PACRG: variants seen among roughly 807,000 people sequenced by gnomAD.
The protein encoded by PACRG is parkin coregulated gene protein.
A neutral mutation model predicts 29.7 loss-of-function variants in PACRG; 29 were observed. The observed-to-expected ratio is 0.98, with a 90% CI of 0.73 to 1.33. The LOEUF is 1.33. Among genes scored for constraint, PACRG ranks in the 40% most tolerant of loss-of-function variants. The pLI is 0.00. For synonymous variants in PACRG, 116 were observed against 118.7 expected (o/e 0.98, Z 0.15); for missense variants, 279 against 316.2 (o/e 0.88, Z 0.89).
intron 4 of PACRG, among the ~76,000 whole-genome samples, chr6:163,269,272 G>A (rs563687613): frequency 1.6e-3 from 249 of 152,310 alleles, no homozygotes; most frequent in African/African-American, 5.8e-3. Flanking sequence ...AGTGGGGTAG[G>A]CCTGCCAAGG....
chr6:163,043,733 C>T (rs76826577), intron 2 of PACRG, among the ~76,000 whole-genome samples: 1,856 of 152,116 alleles, frequency 0.012, 45 homozygotes, highest in African/African-American at 0.041. Context: ...GAGAATAACA[C>T]GAGGGAATAT....
At chr6:163,005,852 A>G (rs901625224) in intron 2 of PACRG, among the ~76,000 whole-genome samples, 1 of 147,202 alleles carries the variant, frequency 6.8e-6, no homozygotes, top group Admixed American at 6.8e-5. Flanking sequence ...TATACGTGTT[A>G]TATATATACA....
At chr6:162,914,408 A>G (rs1796539191) in intron 2 of PACRG, among the ~76,000 whole-genome samples, 1 of 151,576 alleles carries the variant, frequency 6.6e-6, no homozygotes, top group Admixed American at 6.6e-5. Context: ...GAACAGTCTG[A>G]GCTGTACTTC....
chr6:162,960,028 GAGAAATGCAAATCAA>G (rs1489456949), intron 2 of PACRG, among the ~76,000 whole-genome samples: 1 of 152,136 alleles, frequency 6.6e-6, no homozygotes. Flanking sequence ...CTAATCATCA[GAGAAATGCAAATCAA>G]ACCACAATGA....
intron 4 of PACRG, among the ~76,000 whole-genome samples, chr6:163,131,755 G>A (rs1261648083): frequency 6.6e-6 from 1 of 152,074 alleles, no homozygotes; most frequent in African/African-American, 2.4e-5. Flanking sequence ...GCTAAGACGT[G>A]AGCGTGCTAT....
At chr6:162,888,908 A>C (rs886852315) in intron 2 of PACRG, among the ~76,000 whole-genome samples, 1 of 152,236 alleles carries the variant, frequency 6.6e-6, no homozygotes, top group Non-Finnish European at 1.5e-5. Flanking sequence ...ACAGGAATTC[A>C]CAAGGAAAGA....
chr6:162,944,619 T>C (rs919572904), intron 2 of PACRG, among the ~76,000 whole-genome samples: 2 of 151,992 alleles, frequency 1.3e-5, no homozygotes, highest in African/African-American at 4.8e-5. Context: ...ACCAAAGAGA[T>C]AGATATTATA....
intron 2 of PACRG, among the ~76,000 whole-genome samples, chr6:163,049,457 A>T (rs1585090660): frequency 6.6e-6 from 1 of 152,088 alleles, no homozygotes; most frequent in African/African-American, 2.4e-5. Flanking sequence ...AATGGGGGAA[A>T]TATTCCCAAT....
At chr6:162,812,405 A>G (rs192769206) in intron 1 of PACRG, among the ~76,000 whole-genome samples, 25 of 152,202 alleles carry the variant, frequency 1.6e-4, no homozygotes, top group Non-Finnish European at 5.9e-5. Flanking sequence ...TATTTGCACT[A>G]TACACTGGCA....
intron 2 of PACRG, among the ~76,000 whole-genome samples, chr6:162,984,391 A>G (rs1317448636): frequency 6.6e-6 from 1 of 152,008 alleles, no homozygotes; most frequent in Non-Finnish European, 1.5e-5. Flanking sequence ...TGGTATATGC[A>G]TACCACATTT....
intron 2 of PACRG, among the ~76,000 whole-genome samples, chr6:163,036,821 T>TATCC (rs543175236): frequency 1.5e-4 from 22 of 151,698 alleles, no homozygotes; most frequent in South Asian, 8.4e-4. Context: ...CTCTTTTATT[T>TATCC]ATCCATCCAT....
chr6:163,079,890 C>CA (rs1812912296), intron 3 of PACRG, among the ~76,000 whole-genome samples: 1 of 78,678 alleles, frequency 1.3e-5, no homozygotes. Context: ...AGCAGTCATT[C>CA]TTTTTTTTTT....
intron 2 of PACRG, among the ~76,000 whole-genome samples, chr6:162,882,191 G>GA (rs1329713495): frequency 2.0e-5 from 2 of 101,818 alleles, no homozygotes. Flanking sequence ...GACTGGGGGT[G>GA]GGGGGGCGCA....
intron 4 of PACRG, among the ~76,000 whole-genome samples, chr6:163,259,398 T>G (rs1443322938): frequency 1.3e-5 from 2 of 152,196 alleles, no homozygotes; most frequent in African/African-American, 4.8e-5. Context: ...TCCTTTAACA[T>G]TCAGGCCAGT....
At chr6:162,884,875 C>T (rs1794200189) in intron 2 of PACRG, among the ~76,000 whole-genome samples, 1 of 152,106 alleles carries the variant, frequency 6.6e-6, no homozygotes, top group Non-Finnish European at 1.5e-5. Flanking sequence ...ATTTCAGGGG[C>T]CCAAGCTCAT....
At chr6:163,248,274 GAATGCATTAGT>G (rs1257850170) in intron 4 of PACRG, among the ~76,000 whole-genome samples, 1 of 152,214 alleles carries the variant, frequency 6.6e-6, no homozygotes, top group African/African-American at 2.4e-5. Context: ...GAGAATCAAA[GAATGCATTAGT>G]AATTGCTATT....
intron 1 of PACRG, among the ~76,000 whole-genome samples, chr6:162,741,595 T>A (rs1780604166): frequency 6.6e-6 from 1 of 152,124 alleles, no homozygotes; most frequent in South Asian, 2.1e-4. Flanking sequence ...CTAACCCTAA[T>A]TACTACCCCC....
rs755489749 is a variant in PACRG, at chr6:162,859,153, G to A, written c.291+44872G>A. Among the ~76,000 whole-genome samples the A allele has an allele frequency of 3.9e-5, 6 of 151,952 alleles. No individual in the cohort carries two copies. In the East Asian group the frequency reaches 7.7e-4, roughly 20 times the overall value. ...TTTTTTTTCAGTAGATGATTGAAGC[G>A]AAGCTGTTTTATGCTTGTCTCTTTT... On this transcript the variant is annotated intron_variant, in intron 2 of 4. Coordinates refer to ENST00000366888, the MANE Select transcript of PACRG (RefSeq NM_001080379.2).
At chr6:162,839,418 T>TGAGAAGGGTC (rs1477251254) in intron 2 of PACRG, among the ~76,000 whole-genome samples, 1 of 141,118 alleles carries the variant, frequency 7.1e-6, no homozygotes, top group East Asian at 2.1e-4. Context: ...TTCATGTCCT[T>TGAGAAGGGTC]TGCCCACTTT....
Sources: allele counts gnomAD v4.1 joint callset (sites outside exome capture counted in the v4.1 genomes callset), GRCh38; gene constraint gnomAD v4.1.1; transcripts MANE v1.5; gene names NCBI Gene and HGNC (gene_info 2026-07-23, HGNC 2026-07-21).